SMOC1: variants seen among roughly 807,000 people sequenced by gnomAD.
SMOC1 encodes the protein SPARC-related modular calcium-binding protein 1.
In SMOC1, 22 loss-of-function variants were observed where a neutral mutation model predicts 56.3. The observed-to-expected ratio is 0.39, with a 90% CI of 0.28 to 0.56. The LOEUF (loss-of-function observed/expected upper bound fraction) is 0.56. SMOC1 is among the 20% of genes least tolerant of loss of function. SMOC1 has a pLI of 0.61. For synonymous variants in SMOC1, 193 were observed against 215.0 expected (o/e 0.90, Z 0.89); for missense variants, 509 against 565.4 (o/e 0.90, Z 1.01).
chr14:69,976,542 T>G (rs917153602), intron 4 of SMOC1, among the ~76,000 whole-genome samples: 1 of 152,196 alleles, frequency 6.6e-6, no homozygotes, highest in African/African-American at 2.4e-5. Context: ...TCCTTTCTAT[T>G]CCCAACTTAA....
chr14:69,907,578 T>C (rs889542246), intron 1 of SMOC1, among the ~76,000 whole-genome samples: 1 of 152,218 alleles, frequency 6.6e-6, no homozygotes, highest in African/African-American at 2.4e-5. Context: ...GGGTAACTAC[T>C]ATTTTAGCTC....
chr14:69,906,936 T>C (rs1031721291), intron 1 of SMOC1, among the ~76,000 whole-genome samples: 1 of 152,222 alleles, frequency 6.6e-6, no homozygotes, highest in African/African-American at 2.4e-5. Context: ...AGTCAAAATT[T>C]TTCTTTAAAA....
chr14:69,925,443 C>T (rs995887318), intron 1 of SMOC1, among the ~76,000 whole-genome samples: 1 of 152,050 alleles, frequency 6.6e-6, no homozygotes, highest in Non-Finnish European at 1.5e-5. Flanking sequence ...TCAAATGTCA[C>T]CTCCTCCCCT....
At chr14:69,902,997 G>A (rs1199635767) in intron 1 of SMOC1, among the ~76,000 whole-genome samples, 1 of 152,222 alleles carries the variant, frequency 6.6e-6, no homozygotes, top group East Asian at 1.9e-4. Flanking sequence ...GCCTGCCTTG[G>A]CCTCCCAAAG....
intron 1 of SMOC1, among the ~76,000 whole-genome samples, chr14:69,922,927 GC>G (rs1221510477): frequency 6.7e-6 from 1 of 149,176 alleles, no homozygotes; most frequent in East Asian, 1.9e-4. Context: ...CAGGGTCTCA[GC>G]CCTCTTTTTT....
chr14:70,001,347 A>C (rs1386402673), intron 7 of SMOC1, among the ~76,000 whole-genome samples: 1 of 152,114 alleles, frequency 6.6e-6, no homozygotes, highest in Non-Finnish European at 1.5e-5. Context: ...CAAAGGATGA[A>C]ATACAAGGAA....
At position 69,994,463 on chromosome 14, in the gene SMOC1, C is replaced by A; in HGVS notation, c.647C>A (p.Thr216Asn). The A allele has an allele frequency of 1.2e-6, 2 of 1,613,278 alleles. No homozygotes were observed. Among genetic ancestry groups the A allele is most frequent in the African/African-American group, 1.3e-5 (1 of 75,004 alleles). The stretch of plus-strand genomic sequence containing the variant: ...ATCAAGGACTCCAAACTGAACAACA[C>A]CAACATAAGAAATTCAGGTAAATAA... Reference protein sequence around the residue: ...LVIKDSKLNNTNIRNSEKVYS... With the variant: ...LVIKDSKLNNNNIRNSEKVYS... The change falls in exon 7 of 12, where the codon ACC (threonine) becomes AAC (asparagine). Residue 216 changes from threonine to asparagine, a missense_variant. Thr to Asn is a moderately conservative substitution (Grantham distance 65). Around this residue, in one of 3 missense-constraint regions of SMOC1, gnomAD observed 315 missense variants for 333.1 expected, o/e 0.95. Coordinates refer to ENST00000361956, the MANE Select transcript of SMOC1 (RefSeq NM_001034852.3).
chr14:69,952,464 C>T (rs886801327), intron 2 of SMOC1, among the ~76,000 whole-genome samples, 161 bp downstream of exon 2: 30 of 152,260 alleles, frequency 2.0e-4, no homozygotes, highest in African/African-American at 7.0e-4. Flanking sequence ...AAAGCCTGGT[C>T]TACCTGAAGG....
chr14:69,908,139 TG>T (rs1353826996), intron 1 of SMOC1, among the ~76,000 whole-genome samples: 1 of 152,200 alleles, frequency 6.6e-6, no homozygotes, highest in Non-Finnish European at 1.5e-5. Context: ...GGATTCAGTG[TG>T]GGGAAAAAAG....
intron 1 of SMOC1, chr14:69,885,686 G>A: frequency 6.9e-7 from 1 of 1,450,902 alleles, no homozygotes; most frequent in Non-Finnish European, 9.7e-7. Flanking sequence ...CACCAGCTGA[G>A]CTTTCTTGTT....
chr14:69,964,284 G>A (rs1247591722), intron 3 of SMOC1, among the ~76,000 whole-genome samples: 1 of 151,916 alleles, frequency 6.6e-6, no homozygotes, highest in Non-Finnish European at 1.5e-5. Flanking sequence ...GGGAGGGAGG[G>A]AGGGAAAGAT....
At chr14:69,885,337 C>T (rs982156806) in intron 1 of SMOC1, 4 of 1,491,188 alleles carry the variant, frequency 2.7e-6, no homozygotes, top group Non-Finnish European at 3.7e-6. Flanking sequence ...CAACAGTGTA[C>T]ATTTAACCCA....
At chr14:69,885,150 A>G (rs943274) in intron 1 of SMOC1, among the ~76,000 whole-genome samples, 61,395 of 151,448 alleles carry the variant, frequency 0.41, 13,820 homozygotes, top group African/African-American at 0.62. Context: ...TTCTTCTCTC[A>G]CCTCTTGATC....
chr14:70,028,823 G>A (rs1384460695), intron 11 of SMOC1, among the ~76,000 whole-genome samples: 1 of 152,102 alleles, frequency 6.6e-6, no homozygotes, highest in Non-Finnish European at 1.5e-5. Flanking sequence ...TGGATAAACC[G>A]ATATCCACCC....
chr14:70,011,458 ACC>A (rs61674022), intron 8 of SMOC1, 25 bp from the exon 9 acceptor site: 34 of 1,151,668 alleles, frequency 3.0e-5, no homozygotes, highest in Non-Finnish European at 4.0e-5. Context: ...GCCCCTCCCA[ACC>A]CCCCCCATAT....
chr14:69,941,637 G>GT (rs894477059), intron 1 of SMOC1, among the ~76,000 whole-genome samples: 2 of 152,090 alleles, frequency 1.3e-5, no homozygotes, highest in African/African-American at 4.8e-5. Context: ...TTGGCTTTCA[G>GT]TTTTTTAACA....
intron 1 of SMOC1, among the ~76,000 whole-genome samples, chr14:69,942,041 C>T (rs892968332): frequency 6.6e-6 from 1 of 152,184 alleles, no homozygotes; most frequent in African/African-American, 2.4e-5. Context: ...CCTGCCTCTC[C>T]TATCCTCTCT....
chr14:69,951,786 A>C (rs1883003222), intron 1 of SMOC1, among the ~76,000 whole-genome samples: 1 of 152,212 alleles, frequency 6.6e-6, no homozygotes, highest in African/African-American at 2.4e-5. Context: ...TCCACTGCTT[A>C]TAGCTATGTG....
chr14:69,922,947 T>G (rs973823365), intron 1 of SMOC1, among the ~76,000 whole-genome samples: 1 of 151,350 alleles, frequency 6.6e-6, no homozygotes, highest in Admixed American at 6.6e-5. Flanking sequence ...TTTTGTTTTT[T>G]TTGTTTTTTG....
Sources: allele counts gnomAD v4.1 joint callset (sites outside exome capture counted in the v4.1 genomes callset), GRCh38; gene constraint gnomAD v4.1.1; regional missense constraint gnomAD v4.1.1; transcripts MANE v1.5; gene names NCBI Gene and HGNC (gene_info 2026-07-23, HGNC 2026-07-21).